The following NRG2 variants were observed in gnomAD, a reference collection of about 807,000 sequenced individuals.
The protein encoded by NRG2 is neuregulin 2.
Under a neutral mutation model 73.9 loss-of-function variants are expected in NRG2, and 27 were observed. That is an observed-to-expected ratio of 0.37 (90% CI 0.27 to 0.50). The LOEUF (loss-of-function observed/expected upper bound fraction) is 0.50, where lower values mean the gene tolerates loss of function less well. NRG2 is among the 20% of genes least tolerant of loss of function. The probability of loss-of-function intolerance (pLI) is 0.96; values close to 1 mark genes in which losing one functional copy is unlikely to be tolerated. For missense variants in NRG2, 1,126 were observed against 1,210.1 expected, an observed-to-expected ratio of 0.93 and a Z score of 1.03; for synonymous variants, 532 against 541.0, an observed-to-expected ratio of 0.98 and a Z score of 0.23.
rs568588099 is a variant in NRG2, at chr5:139,891,375, C to T, written c.701-3864G>A. On this transcript the variant is annotated intron_variant, in intron 1 of 9. Coordinates refer to ENST00000361474, the MANE Select transcript of NRG2 (RefSeq NM_004883.3). ...CGGCCACCAATGGAAAACACAGGAC[C>T]GCATTTCAGATCACAGGGAGCCCAC... 2.6e-5 allele frequency among the ~76,000 whole-genome samples: 4 copies of T among 152,148 alleles called. No homozygotes were observed. In the East Asian group the frequency reaches 5.8e-4, roughly 22 times the overall value.
chr5:139,910,507 A>G (rs571269406), intron 1 of NRG2, among the ~76,000 whole-genome samples: 14 of 151,568 alleles, frequency 9.2e-5, no homozygotes, highest in African/African-American at 2.7e-4. Flanking sequence ...CAAAACAAAA[A>G]CAAACAAACA....
At chr5:140,005,757 T>C (rs1042048455) in intron 1 of NRG2, among the ~76,000 whole-genome samples, 1 of 152,176 alleles carries the variant, frequency 6.6e-6, no homozygotes, top group Non-Finnish European at 1.5e-5. Context: ...CATGTCAAGA[T>C]GAGAGATTAC....
intron 1 of NRG2, among the ~76,000 whole-genome samples, chr5:139,994,695 A>C (rs1202768502): frequency 6.6e-6 from 1 of 152,228 alleles, no homozygotes; most frequent in African/African-American, 2.4e-5. Flanking sequence ...CTTGTATAGA[A>C]GATAGTGCTA....
chr5:139,848,761 GGGGGT>G, intron 9 of NRG2, 64 bp from the exon 10 acceptor site: 1 of 692,834 alleles, frequency 1.4e-6, no homozygotes, highest in South Asian at 2.9e-5. Flanking sequence ...AGGGGGGGTT[GGGGGT>G]GGGGTAGGGT....
rs754580151 is a variant in NRG2, at chr5:139,851,623, C to T, written c.1753G>A (p.Asp585Asn). Residue 585 changes from aspartate (D) to asparagine (N), a missense_variant, in exon 9 of 10, where the codon GAC (aspartate) becomes AAC (asparagine). Transcript: ENST00000361474. The surrounding 1 kb of genome is among the most constrained non-coding windows in gnomAD (Gnocchi z 4.2). The part of the protein sequence containing the change: ...PYHDSVDSLR[D>N]SPHSERYVSA... ...ACTGACCTCTCGCTGTGTGGGGAGT[C>T]GCGAAGGGAGTCCACGGAATCGTGA... 6 of 1,613,836 alleles carry T rather than the reference C, an allele frequency of 3.7e-6. No homozygotes were observed. Among genetic ancestry groups the T allele is most frequent in the Admixed American group, 3.3e-5 (2 of 60,004 alleles).
chr5:140,038,300 C>T (rs758943719), intron 1 of NRG2, among the ~76,000 whole-genome samples: 5 of 151,782 alleles, frequency 3.3e-5, no homozygotes, highest in South Asian at 2.1e-4. Flanking sequence ...TAATTCAAAC[C>T]GACGGTTGTT....
At chr5:139,951,222 A>T (rs1348617780) in intron 1 of NRG2, among the ~76,000 whole-genome samples, 2 of 152,232 alleles carry the variant, frequency 1.3e-5, no homozygotes, top group African/African-American at 4.8e-5. Flanking sequence ...TCTGTGCTTC[A>T]GTTTCATCTC....
intron 1 of NRG2, among the ~76,000 whole-genome samples, chr5:139,905,683 TG>T (rs11301435): frequency 0.12 from 9,535 of 82,604 alleles, 541 homozygotes; most frequent in African/African-American, 0.24. Flanking sequence ...CCAGCTCTGG[TG>T]GGGGGGGGGC....
At chr5:139,958,038 T>G (rs1754768848) in intron 1 of NRG2, among the ~76,000 whole-genome samples, 1 of 152,106 alleles carries the variant, frequency 6.6e-6, no homozygotes, top group Non-Finnish European at 1.5e-5. Flanking sequence ...TGGCTAGGAC[T>G]GGAAGGTACC....
intron 5 of NRG2, among the ~76,000 whole-genome samples, chr5:139,858,208 G>A (rs1426489876): frequency 2.6e-5 from 4 of 152,234 alleles, no homozygotes; most frequent in Middle Eastern, 3.4e-3. Flanking sequence ...CTCTCCCTGC[G>A]TTCACTGTGC....
At chr5:140,024,064 A>C (rs1258042234) in intron 1 of NRG2, among the ~76,000 whole-genome samples, 5 of 152,016 alleles carry the variant, frequency 3.3e-5, no homozygotes, top group Non-Finnish European at 7.4e-5. Context: ...AACTGAATGT[A>C]CCCCTTCTCT....
chr5:139,930,303 G>A (rs932512526), intron 1 of NRG2, among the ~76,000 whole-genome samples: 2 of 152,224 alleles, frequency 1.3e-5, no homozygotes, highest in Non-Finnish European at 2.9e-5. Context: ...AGATGCTGGA[G>A]TAAACCAAAG....
At chr5:139,920,946 A>G (rs1202640964) in intron 1 of NRG2, among the ~76,000 whole-genome samples, 1 of 152,232 alleles carries the variant, frequency 6.6e-6, no homozygotes, top group African/African-American at 2.4e-5. Context: ...TCACTTTCCT[A>G]TATATTAGCA....
intron 1 of NRG2, among the ~76,000 whole-genome samples, chr5:139,980,419 C>T (rs1756707399): frequency 6.6e-6 from 1 of 152,032 alleles, no homozygotes; most frequent in African/African-American, 2.4e-5. Context: ...ATATAGAGAA[C>T]CTCTTGAAGT....
At chr5:140,007,047 G>A (rs765684836) in intron 1 of NRG2, among the ~76,000 whole-genome samples, 1 of 152,136 alleles carries the variant, frequency 6.6e-6, no homozygotes, top group Non-Finnish European at 1.5e-5. Flanking sequence ...CGATTTCCAT[G>A]TTTAGAGACA....
chr5:139,991,060 G>A (rs1028402827), intron 1 of NRG2, among the ~76,000 whole-genome samples: 1 of 152,072 alleles, frequency 6.6e-6, no homozygotes, highest in Non-Finnish European at 1.5e-5. Flanking sequence ...TGGATCACGA[G>A]GTCAGGAGTT....
intron 1 of NRG2, 36 bp downstream of exon 1, chr5:140,042,333 TC>T (rs768913071): frequency 5.4e-5 from 47 of 871,142 alleles, no homozygotes; most frequent in Non-Finnish European, 8.6e-6. Context: ...ACCTCGCCCC[TC>T]CCCCCTTTCT....
At chr5:139,969,479 A>C (rs955151645) in intron 1 of NRG2, among the ~76,000 whole-genome samples, 5 of 152,202 alleles carry the variant, frequency 3.3e-5, no homozygotes, top group African/African-American at 1.2e-4. Context: ...AAAAGGAGTG[A>C]GTTATCAGGC....
At chr5:139,861,903 C>T in intron 5 of NRG2, 1 of 440,444 alleles carries the variant, frequency 2.3e-6, no homozygotes, top group South Asian at 1.6e-5. Context: ...ACCTGGGACG[C>T]AAAGAGGATT....
Sources: gnomAD v4.1 joint callset for allele counts (sites outside exome capture counted in the v4.1 genomes callset) on GRCh38, gnomAD v4.1.1 for gene constraint, Gnocchi (gnomAD v3.1) non-coding constraint, MANE v1.5 for transcripts, NCBI Gene and HGNC (gene_info 2026-07-23, HGNC 2026-07-21) for gene names.